The following NRG3 variants were observed in gnomAD, a reference collection of about 807,000 sequenced individuals.
The protein encoded by NRG3 is pro-neuregulin-3, membrane-bound isoform.
Under a neutral mutation model 66.9 loss-of-function variants are expected in NRG3, and 31 were observed. That is an observed-to-expected ratio of 0.46 (90% CI 0.35 to 0.63). The LOEUF is 0.63. Among genes scored for constraint, NRG3 ranks in the 20% least tolerant of loss-of-function variants. NRG3 has a pLI of 0.00. For synonymous variants in NRG3, 393 were observed against 359.4 expected, an observed-to-expected ratio of 1.09 and a Z score of -1.06; for missense variants, 910 against 878.9, an observed-to-expected ratio of 1.04 and a Z score of -0.45.
intron 2 of NRG3, among the ~76,000 whole-genome samples, chr10:82,528,820 A>G (rs955161138): frequency 6.6e-6 from 1 of 151,614 alleles, no homozygotes; most frequent in Non-Finnish European, 1.5e-5. Context: ...CCATAGAAAG[A>G]CTCTCTCTCA....
At chr10:82,270,989 C>T (rs1275288676) in intron 1 of NRG3, among the ~76,000 whole-genome samples, 6 of 151,928 alleles carry the variant, frequency 3.9e-5, no homozygotes, top group African/African-American at 1.5e-4. Flanking sequence ...GACCTTATCT[C>T]AGAGAATGAT....
chr10:82,199,895 T>TGTGTGTGTGC (rs2074692991), intron 1 of NRG3, among the ~76,000 whole-genome samples: 1 of 141,304 alleles, frequency 7.1e-6, no homozygotes, highest in African/African-American at 2.8e-5. Context: ...TGTGCGTGTG[T>TGTGTGTGTGC]GTGTGTGTGT....
At chr10:82,599,404 G>C (rs1434104297) in intron 2 of NRG3, among the ~76,000 whole-genome samples, 2 of 152,146 alleles carry the variant, frequency 1.3e-5, no homozygotes, top group Admixed American at 1.3e-4. Flanking sequence ...ATTTGAAGAG[G>C]GGATGAGTGA....
At chr10:82,583,808 C>G (rs959338898) in intron 2 of NRG3, among the ~76,000 whole-genome samples, 1 of 152,024 alleles carries the variant, frequency 6.6e-6, no homozygotes, top group Admixed American at 6.6e-5. Flanking sequence ...TTGTACTGAG[C>G]CTTTCAAATC....
At chr10:81,877,928 T>C (rs1402526220) in intron 1 of NRG3, 1 of 1,537,366 alleles carries the variant, frequency 6.5e-7, no homozygotes, top group East Asian at 2.4e-5. Context: ...CCCCAGATTT[T>C]TGATCTGCTC....
At chr10:81,876,305 C>A in intron 1 of NRG3, 142 bp downstream of exon 1, 1 of 1,245,082 alleles carries the variant, frequency 8.0e-7, no homozygotes, top group Non-Finnish European at 1.1e-6. Flanking sequence ...CTGATTAAAA[C>A]TGGCCACCAG....
At chr10:82,525,486 A>G (rs1419604921) in intron 2 of NRG3, among the ~76,000 whole-genome samples, 1 of 151,338 alleles carries the variant, frequency 6.6e-6, no homozygotes, top group Non-Finnish European at 1.5e-5. Flanking sequence ...ATCAATTAGA[A>G]GTTCACAAAC....
chr10:82,254,278 T>A (rs2077611563), intron 1 of NRG3, among the ~76,000 whole-genome samples: 1 of 152,208 alleles, frequency 6.6e-6, no homozygotes. Context: ...TTATAAACAT[T>A]TAATTCACTT....
chr10:82,687,933 G>A (rs2054634452), intron 2 of NRG3, among the ~76,000 whole-genome samples: 1 of 152,090 alleles, frequency 6.6e-6, no homozygotes, highest in Admixed American at 6.6e-5. Flanking sequence ...AGACATTGCA[G>A]GTCCCAGCAC....
At position 82,910,255 on chromosome 10, in the gene NRG3, A is replaced by G. The variant is rs536128481; in HGVS notation, c.1055-41214A>G. Reference sequence around the variant, plus strand: ...ATTCATTGACAAGTTTGCCAATGTCATCACTGCTGAAAGTCTGACACCAGA... The same window carrying G: ...ATTCATTGACAAGTTTGCCAATGTCGTCACTGCTGAAAGTCTGACACCAGA... On this transcript the variant is annotated intron_variant, in intron 4 of 8. Coordinates refer to ENST00000372141, the MANE Select transcript of NRG3 (RefSeq NM_001010848.4). 2.0e-4 allele frequency among the ~76,000 whole-genome samples: 30 copies of G among 152,364 alleles called. No individual in the cohort carries two copies. In the East Asian group the frequency reaches 2.9e-3, roughly 15 times the overall value.
At chr10:81,891,279 T>G (rs760604582) in intron 1 of NRG3, among the ~76,000 whole-genome samples, 7 of 152,204 alleles carry the variant, frequency 4.6e-5, no homozygotes, top group Non-Finnish European at 1.0e-4. Flanking sequence ...AGGAAGGTTA[T>G]TCCCAAAGGC....
chr10:82,321,256 C>A (rs1174147158), intron 1 of NRG3, among the ~76,000 whole-genome samples: 2 of 149,902 alleles, frequency 1.3e-5, no homozygotes, highest in South Asian at 4.2e-4. Flanking sequence ...CGCATGGTGG[C>A]TGAACAGGTA....
At chr10:82,791,069 T>A (rs564303554) in intron 3 of NRG3, among the ~76,000 whole-genome samples, 1 of 152,182 alleles carries the variant, frequency 6.6e-6, no homozygotes, top group South Asian at 2.1e-4. Context: ...TTAAAGTTTT[T>A]TTTTATTAAC....
intron 1 of NRG3, among the ~76,000 whole-genome samples, chr10:82,240,735 T>G (rs60236653): frequency 0.011 from 1,605 of 152,298 alleles, 28 homozygotes; most frequent in African/African-American, 0.036. Context: ...TGGCATTAGA[T>G]CTTTCTTTAT....
intron 3 of NRG3, among the ~76,000 whole-genome samples, chr10:82,793,497 G>A (rs1207109994): frequency 2.0e-5 from 3 of 152,156 alleles, no homozygotes; most frequent in Non-Finnish European, 4.4e-5. Context: ...AATCTGAAAA[G>A]TGTTCAGTGA....
intron 3 of NRG3, among the ~76,000 whole-genome samples, chr10:82,750,066 A>C (rs973628885): frequency 3.9e-5 from 6 of 152,200 alleles, no homozygotes; most frequent in African/African-American, 1.4e-4. Flanking sequence ...AACTCTGTTA[A>C]CTAGACTTTC....
chr10:82,045,417 TG>T (rs2063233963), intron 1 of NRG3, among the ~76,000 whole-genome samples: 2 of 95,612 alleles, frequency 2.1e-5, no homozygotes, highest in African/African-American at 6.3e-5. Context: ...TGGGGTTGTT[TG>T]TTTTTTTCTT....
intron 2 of NRG3, among the ~76,000 whole-genome samples, chr10:82,396,767 A>G (rs1444935306): frequency 6.6e-6 from 1 of 152,150 alleles, no homozygotes; most frequent in Admixed American, 6.6e-5. Context: ...GTGCTCAGTG[A>G]GGACTGACCA....
intron 1 of NRG3, among the ~76,000 whole-genome samples, chr10:81,956,203 A>G (rs1276291035): frequency 6.6e-6 from 1 of 152,164 alleles, no homozygotes; most frequent in Non-Finnish European, 1.5e-5. Flanking sequence ...CAAAGCTGGG[A>G]CAAAAGGCAA....
Sources: gnomAD v4.1 joint callset for allele counts (sites outside exome capture counted in the v4.1 genomes callset) on GRCh38, gnomAD v4.1.1 for gene constraint, MANE v1.5 for transcripts, NCBI Gene and HGNC (gene_info 2026-07-23, HGNC 2026-07-21) for gene names.